YWHAQ: variants seen among roughly 807,000 people sequenced by gnomAD.
The protein encoded by YWHAQ is 14-3-3 protein theta.
A neutral mutation model predicts 28.3 loss-of-function variants in YWHAQ; 6 were observed. The ratio of observed to expected loss-of-function variants is 0.21; its 90% CI spans 0.12 to 0.42. The LOEUF is 0.42. Ranked by LOEUF, YWHAQ falls within the 10% of genes least tolerant of loss-of-function variation. YWHAQ has a pLI of 1.00. For synonymous variants in YWHAQ, 143 were observed against 119.1 expected (o/e 1.20, Z -1.31); for missense variants, 201 against 305.6 (o/e 0.66, Z 2.55).
At chr2:9,597,983 C>CTTTTTTTTT (rs1558543507) in intron 2 of YWHAQ, among the ~76,000 whole-genome samples, 3 of 79,092 alleles carry the variant, frequency 3.8e-5, no homozygotes, top group African/African-American at 2.5e-4. Context: ...CCATGCCGGG[C>CTTTTTTTTT]TATTTTTTTT....
At chr2:9,607,368 ATTT>A (rs532591834) in intron 2 of YWHAQ, among the ~76,000 whole-genome samples, 1 of 140,214 alleles carries the variant, frequency 7.1e-6, no homozygotes, top group Non-Finnish European at 1.6e-5. Flanking sequence ...TGCCCAGCTA[ATTT>A]TTTTTTTTTT....
chr2:9,590,415 A>T (rs1420619982), intron 3 of YWHAQ, among the ~76,000 whole-genome samples: 1 of 152,182 alleles, frequency 6.6e-6, no homozygotes, highest in Non-Finnish European at 1.5e-5. Context: ...GATATTTAGG[A>T]TGGCAAAACT....
At position 9,587,530 on chromosome 2, in the gene YWHAQ, T is replaced by C. The variant is rs964656580; in HGVS notation, c.583-21A>G. The C allele has an allele frequency of 7.0e-6, 11 of 1,565,246 alleles. 1 individual carries two copies. The Middle Eastern group carries it at 5.1e-4, about 73-fold the overall frequency. On this transcript the variant is annotated intron_variant, in intron 4 of 5. Transcript: ENST00000238081. ...AAAGCCTGATAAATATTAATATCCA[T>C]GGTAAAATATGTGCATTGACGAAAA...
intron 2 of YWHAQ, among the ~76,000 whole-genome samples, chr2:9,624,092 CA>C (rs1190523122): frequency 5.3e-5 from 8 of 151,998 alleles, no homozygotes; most frequent in African/African-American, 1.7e-4. Flanking sequence ...TTCATCTCTA[CA>C]AAAAATACAA....
Position 9,630,368 on chromosome 2 carries a change from C to A in YWHAQ, c.85G>T (p.Val29Leu), listed in dbSNP as rs141887759. 3 of 1,614,126 alleles carry A rather than the reference C, an allele frequency of 1.9e-6. No individual in the cohort carries two copies. The highest frequency in any genetic ancestry group is 2.5e-6 in the Non-Finnish European group (3 of 1,180,042). Residue 29 changes from valine to leucine, a missense_variant, in exon 2 of 6, where the codon GTG becomes TTG. Transcript: ENST00000238081. The surrounding 1 kb of genome is among the most constrained non-coding windows in gnomAD (Gnocchi z 5.6). ...YDDMATCMKAVTEQGAELSNE... is the reference protein window; with the variant it reads ...YDDMATCMKALTEQGAELSNE... ...GACAGCTCGGCGCCCTGCTCGGTCA[C>A]TGCCTTCATGCAGGTGGCCATGTCG...
At chr2:9,587,540 T>C in intron 4 of YWHAQ, 31 bp from the exon 5 acceptor site, 2 of 1,557,568 alleles carry the variant, frequency 1.3e-6, no homozygotes, top group East Asian at 2.3e-5. Context: ...TGGTAAAATA[T>C]GTGCATTGAC....
At chr2:9,604,172 C>T (rs1300222933) in intron 2 of YWHAQ, among the ~76,000 whole-genome samples, 1 of 151,954 alleles carries the variant, frequency 6.6e-6, no homozygotes, top group Admixed American at 6.6e-5. Flanking sequence ...GCTATGGGAG[C>T]TCAAAATAAA....
intron 5 of YWHAQ, among the ~76,000 whole-genome samples, chr2:9,586,633 G>A (rs1202765865): frequency 2.0e-5 from 3 of 151,996 alleles, no homozygotes; most frequent in East Asian, 3.8e-4. Context: ...CAGGGTCTTC[G>A]TTCCCCTTTC....
intron 2 of YWHAQ, among the ~76,000 whole-genome samples, chr2:9,610,558 G>C (rs752315704): frequency 7.2e-5 from 11 of 152,238 alleles, no homozygotes; most frequent in Non-Finnish European, 1.5e-4. Context: ...GCCCAGGCTG[G>C]AGTGCAACGG....
chr2:9,595,522 C>T (rs6706227), intron 2 of YWHAQ, among the ~76,000 whole-genome samples: 88,710 of 151,508 alleles, frequency 0.59, 28,314 homozygotes, highest in African/African-American at 0.81. Flanking sequence ...CTGACCACCA[C>T]GGTGAAACCC....
At chr2:9,596,712 T>TTC (rs1553372882) in intron 2 of YWHAQ, among the ~76,000 whole-genome samples, 11 of 151,676 alleles carry the variant, frequency 7.3e-5, no homozygotes, top group Non-Finnish European at 1.5e-4. Context: ...ATTTTTTTTT[T>TTC]CCCCCTTGAG....
chr2:9,598,013 T>TTC (rs1666612979), intron 2 of YWHAQ, among the ~76,000 whole-genome samples: 1 of 134,898 alleles, frequency 7.4e-6, no homozygotes, highest in Non-Finnish European at 1.6e-5. Flanking sequence ...TTTTTTTTTT[T>TTC]AGTAGAGACA....
At chr2:9,602,625 T>A (rs1666715500) in intron 2 of YWHAQ, among the ~76,000 whole-genome samples, 1 of 150,830 alleles carries the variant, frequency 6.6e-6, no homozygotes, top group Non-Finnish European at 1.5e-5. Context: ...GCTTACTGCA[T>A]CCTTGAACTC....
chr2:9,629,904 G>C (rs567962081), intron 2 of YWHAQ, among the ~76,000 whole-genome samples: 2 of 152,110 alleles, frequency 1.3e-5, no homozygotes, highest in East Asian at 3.8e-4. Context: ...AGACCTACTT[G>C]GATGTTTCCA....
intron 3 of YWHAQ, among the ~76,000 whole-genome samples, chr2:9,591,124 A>G (rs1385726047): frequency 1.3e-5 from 2 of 152,230 alleles, no homozygotes; most frequent in African/African-American, 4.8e-5. Context: ...AAAATTCTAA[A>G]AAGCATAAAA....
chr2:9,602,090 G>C (rs1666705372), intron 2 of YWHAQ, among the ~76,000 whole-genome samples: 1 of 152,090 alleles, frequency 6.6e-6, no homozygotes, highest in African/African-American at 2.4e-5. Context: ...CTTTTAATTT[G>C]TAAATATCCT....
chr2:9,618,086 G>A (rs1667070388), intron 2 of YWHAQ, among the ~76,000 whole-genome samples: 1 of 152,188 alleles, frequency 6.6e-6, no homozygotes, highest in Non-Finnish European at 1.5e-5. Flanking sequence ...AAGCAGATTA[G>A]TAGTTGTCAG....
chr2:9,628,528 A>G (rs1667291659), intron 2 of YWHAQ, among the ~76,000 whole-genome samples: 1 of 152,280 alleles, frequency 6.6e-6, no homozygotes, highest in South Asian at 2.1e-4. Context: ...AATTGCTTCA[A>G]GGTAACTAAT....
In YWHAQ at chr2:9,630,448, T is replaced by C; in HGVS notation, c.5A>G (p.Glu2Gly). The change falls in exon 2 of 6, where the codon GAG becomes GGG. Residue 2 changes from glutamate (E) to glycine (G), a missense_variant. Glu to Gly is a moderately conservative substitution (Grantham distance 98). Transcript: ENST00000238081. This position sits in a 1 kb window ranked among gnomAD's most constrained non-coding sequence, Gnocchi z 5.6. M[E>G]KTELIQKAKL... ...GGCCTTCTGGATCAGCTCAGTCTTCTCCATGGCGGGCGCGGGGCCGGGGCC... is the reference window on the plus strand; with the variant it reads ...GGCCTTCTGGATCAGCTCAGTCTTCCCCATGGCGGGCGCGGGGCCGGGGCC... 1.2e-6 allele frequency: 2 copies of C among 1,601,370 alleles called. No individual in the cohort carries two copies. Among genetic ancestry groups the C allele is most frequent in the Non-Finnish European group, 1.7e-6 (2 of 1,175,340 alleles).
Sources: gnomAD v4.1 joint callset for allele counts (sites outside exome capture counted in the v4.1 genomes callset) on GRCh38, gnomAD v4.1.1 for gene constraint, Gnocchi (gnomAD v3.1) non-coding constraint, MANE v1.5 for transcripts, NCBI Gene and HGNC (gene_info 2026-07-23, HGNC 2026-07-21) for gene names.